Variants in SOCS7 observed in about 807,000 individuals in gnomAD.
SOCS7 encodes NAP-4.
In SOCS7, 18 loss-of-function variants were observed where a neutral mutation model predicts 58.9. The observed-to-expected ratio is 0.31, with a 90% CI of 0.21 to 0.45. SOCS7 has a LOEUF of 0.45. Ranked by LOEUF, SOCS7 falls within the 20% of genes least tolerant of loss-of-function variation. The pLI, the probability that SOCS7 is intolerant of heterozygous loss-of-function variation, is 1.00. For synonymous variants in SOCS7, 388 were observed against 364.3 expected, an observed-to-expected ratio of 1.06 and a Z score of -0.74; for missense variants, 667 against 837.3, an observed-to-expected ratio of 0.80 and a Z score of 2.51.
rs151187052 is a variant in SOCS7, at chr17:38,389,247, A to G, written c.1682-6062A>G. Among the ~76,000 whole-genome samples, 200 of 152,254 alleles carry G rather than the reference A, an allele frequency of 1.3e-3. 1 individual carries two copies. Among genetic ancestry groups the G allele is most frequent in the East Asian group, 0.013 (65 of 5,174 alleles). On this transcript the variant is annotated intron_variant, in intron 7 of 9. Coordinates refer to ENST00000612932, the MANE Select transcript of SOCS7 (RefSeq NM_014598.4). Reference sequence around the variant, plus strand: ...CCTTTGCTCATTTTATAATTGAGCTATTTGTCTTCTTATTGAGTTATGAGT... The same window carrying G: ...CCTTTGCTCATTTTATAATTGAGCTGTTTGTCTTCTTATTGAGTTATGAGT...
Position 38,352,351 on chromosome 17 carries a change from A to G in SOCS7, c.299A>G (p.Asp100Gly), listed in dbSNP as rs1384038778. The G allele has an allele frequency of 1.4e-6, 2 of 1,457,810 alleles. 1 individual carries two copies. The highest frequency in any genetic ancestry group is 2.7e-5 in the South Asian group (2 of 73,270). 90.3% of individuals were successfully genotyped at this position (1,457,810 alleles called of 1,614,324 possible). A position where few individuals can be genotyped will look rare whatever the true frequency, so the allele number is the denominator to read the frequency against. ...TGTCCCCGGCACCGCTGTGCCCTGGACCCCAAGGCCCTGCCGCCGGGCTTG... is the reference window on the plus strand; with the variant it reads ...TGTCCCCGGCACCGCTGTGCCCTGGGCCCCAAGGCCCTGCCGCCGGGCTTG... ...LLCPRHRCAL[D>G]PKALPPGLAL... The change falls in exon 1 of 10, where the codon GAC becomes GGC. Residue 100 changes from aspartate (D) to glycine (G), a missense_variant. Physicochemically the swap from Asp to Gly is moderately conservative, Grantham distance 94. This residue lies in a region of SOCS7 where 154 missense variants were observed against 156.3 expected (regional missense o/e 0.98). Transcript: ENST00000612932. This position sits in a 1 kb window ranked among gnomAD's most constrained non-coding sequence, Gnocchi z 5.5.
At chr17:38,380,425 G>GT (rs1424401040) in intron 7 of SOCS7, among the ~76,000 whole-genome samples, 1 of 152,088 alleles carries the variant, frequency 6.6e-6, no homozygotes, top group Non-Finnish European at 1.5e-5. Flanking sequence ...GAGGTCAGGA[G>GT]TTTGAGACCA....
chr17:38,388,050 G>T, intron 7 of SOCS7, among the ~76,000 whole-genome samples: 1 of 151,830 alleles, frequency 6.6e-6, no homozygotes, highest in East Asian at 1.9e-4. Context: ...AGGATTATAG[G>T]CATAGGTGTG....
intron 7 of SOCS7, among the ~76,000 whole-genome samples, chr17:38,381,520 A>G (rs1200773443): frequency 1.3e-5 from 2 of 152,118 alleles, no homozygotes; most frequent in African/African-American, 4.8e-5. Flanking sequence ...ACCAAGTGTT[A>G]CCCTTTGAGG....
Position 38,403,655 on chromosome 17 carries a change from A to T in SOCS7, c.*4173A>T, listed in dbSNP as rs562101800. On this transcript the variant is annotated 3_prime_UTR_variant, in exon 10 of 10. Transcript: ENST00000612932. ...CCTCATTTGCAGAAGTCTTGCTACC[A>T]GTTAGGGTGTTAAGAGCATCTCCAC... The T allele has an allele frequency of 6.6e-6, 1 of 152,266 alleles. No individual in the cohort carries two copies. Among genetic ancestry groups the T allele is most frequent in the East Asian group, 1.9e-4 (1 of 5,174 alleles). The allele number at this position is 152,266 out of a possible 1,614,324, so 9.4% of individuals were successfully genotyped here. A position where few individuals can be genotyped will look rare whatever the true frequency, so the allele number is the denominator to read the frequency against.
chr17:38,370,380 C>G (rs1358937643), intron 6 of SOCS7, among the ~76,000 whole-genome samples: 1 of 152,080 alleles, frequency 6.6e-6, no homozygotes, highest in East Asian at 1.9e-4. Context: ...CACCCTGCTG[C>G]CCAGGTTGGA....
At chr17:38,376,637 C>T (rs969954408) in intron 6 of SOCS7, among the ~76,000 whole-genome samples, 5 of 151,604 alleles carry the variant, frequency 3.3e-5, no homozygotes, top group South Asian at 2.1e-4. Context: ...GAGTCTGAGG[C>T]GGGAGAATCA....
chr17:38,389,900 C>CATATATACGT (rs1263290062), intron 7 of SOCS7, among the ~76,000 whole-genome samples: 1 of 20,184 alleles, frequency 5.0e-5, no homozygotes, highest in African/African-American at 1.6e-4. Context: ...TATATATATA[C>CATATATACGT]ACATATAGAG....
rs2038321672 is a variant in SOCS7 at position 38,401,739 on chromosome 17, C to G, written c.*2257C>G. 6.6e-6 allele frequency: 1 copy of G among 152,400 alleles called. No homozygotes were observed. Among genetic ancestry groups the G allele is most frequent in the African/African-American group, 2.4e-5 (1 of 41,438 alleles). The allele number at this position is 152,400 out of a possible 1,614,324, so 9.4% of individuals were successfully genotyped here. A position where few individuals can be genotyped will look rare whatever the true frequency, so the allele number is the denominator to read the frequency against. On this transcript the variant is annotated 3_prime_UTR_variant, in exon 10 of 10. Transcript: ENST00000612932. Reference sequence around the variant, plus strand: ...GCAGGACAGACAGTGAGATGAAAAACACATGAGCAAAAGCAAGGAAGCAGA... The same window carrying G: ...GCAGGACAGACAGTGAGATGAAAAAGACATGAGCAAAAGCAAGGAAGCAGA...
Position 38,366,270 on chromosome 17 carries a change from A to G in SOCS7, c.1253-17A>G, listed in dbSNP as rs2144335496. 6.2e-7 allele frequency: 1 copy of G among 1,612,848 alleles called. No individual in the cohort carries two copies. Among genetic ancestry groups the G allele is most frequent in the Non-Finnish European group, 8.5e-7 (1 of 1,179,388 alleles). ...CAGTGAGGGTAAACAAGTGACCACC[A>G]CTGTCTTGCCCTGCAGATGCATTTC... On this transcript the variant is annotated splice_polypyrimidine_tract_variant and intron_variant, in intron 4 of 9. Transcript: ENST00000612932.
chr17:38,402,300 G>C lies in SOCS7; in HGVS notation c.*2818G>C, dbSNP rs1006753305. 6.6e-6 allele frequency: 1 copy of C among 152,524 alleles called. No homozygotes were observed. Among genetic ancestry groups the C allele is most frequent in the African/African-American group, 2.4e-5 (1 of 41,444 alleles). 9.4% of individuals were successfully genotyped at this position (152,524 alleles called of 1,614,324 possible). A position where few individuals can be genotyped will look rare whatever the true frequency, so the allele number is the denominator to read the frequency against. ...TAGGGGAAGATGAGGGGGAGGCATGGGGCTGGGCCAGCTCTCTGGGATACA... is the reference window on the plus strand; with the variant it reads ...TAGGGGAAGATGAGGGGGAGGCATGCGGCTGGGCCAGCTCTCTGGGATACA... On this transcript the variant is annotated 3_prime_UTR_variant, in exon 10 of 10. Transcript: ENST00000612932.
At chr17:38,392,190 AC>A (rs2038180793) in intron 7 of SOCS7, among the ~76,000 whole-genome samples, 1 of 152,250 alleles carries the variant, frequency 6.6e-6, no homozygotes, top group African/African-American at 2.4e-5. Context: ...TCAGATTAAT[AC>A]CAGGGAATAT....
intron 6 of SOCS7, among the ~76,000 whole-genome samples, chr17:38,372,074 C>G (rs2037875782): frequency 6.6e-6 from 1 of 151,988 alleles, no homozygotes; most frequent in Non-Finnish European, 1.5e-5. Context: ...CTTGAACAAC[C>G]TGGGTTTGAA....
intron 7 of SOCS7, among the ~76,000 whole-genome samples, chr17:38,382,154 C>G (rs999420800): frequency 1.3e-5 from 2 of 151,668 alleles, no homozygotes; most frequent in South Asian, 4.2e-4. Context: ...TTTGATCAGG[C>G]TTGGTGGCTC....
At chr17:38,387,133 G>GTATGTATA (rs1555570701) in intron 7 of SOCS7, among the ~76,000 whole-genome samples, 2 of 73,494 alleles carry the variant, frequency 2.7e-5, no homozygotes, top group African/African-American at 1.4e-4. Context: ...ATATATGTAT[G>GTATGTATA]TATATATATA....
At chr17:38,357,071 G>T (rs1388172218) in intron 1 of SOCS7, among the ~76,000 whole-genome samples, 1 of 152,204 alleles carries the variant, frequency 6.6e-6, no homozygotes, top group Non-Finnish European at 1.5e-5. Context: ...GGACGGTTCT[G>T]TAGTGGTTTC....
chr17:38,373,441 A>G (rs182929963), intron 6 of SOCS7, among the ~76,000 whole-genome samples: 518 of 152,330 alleles, frequency 3.4e-3, no homozygotes, highest in Non-Finnish European at 5.8e-3. Context: ...GCCACAAAGG[A>G]TATTTATTAG....
rs781341947 is a variant in SOCS7, at chr17:38,361,766, C to T, written c.1036C>T (p.Leu346=). 1 of 1,611,780 alleles carries T rather than the reference C, an allele frequency of 6.2e-7. No individual in the cohort carries two copies. Among genetic ancestry groups the T allele is most frequent in the South Asian group, 1.1e-5 (1 of 90,832 alleles). ...SAFSPVSFSP[L]FTGETVSLVD... ...CTTTTCTCCGGTCTCCTTCAGCCCC[C>T]TGTTCACAGGTAAGGGTAATATCTT... Residue 346 remains leucine (L), a synonymous_variant, in exon 2 of 10, where the codon CTG becomes TTG. Coordinates refer to ENST00000612932, the MANE Select transcript of SOCS7 (RefSeq NM_014598.4).
chr17:38,375,163 C>G (rs2037915010), intron 6 of SOCS7, among the ~76,000 whole-genome samples: 1 of 152,148 alleles, frequency 6.6e-6, no homozygotes, highest in Non-Finnish European at 1.5e-5. Flanking sequence ...CCACTGCACT[C>G]TAGCCTGGGT....
Sources: gnomAD v4.1 joint callset for allele counts (sites outside exome capture counted in the v4.1 genomes callset) on GRCh38, gnomAD v4.1.1 for gene constraint, gnomAD v4.1.1 regional missense constraint, Gnocchi (gnomAD v3.1) non-coding constraint, MANE v1.5 for transcripts, NCBI Gene and HGNC (gene_info 2026-07-23, HGNC 2026-07-21) for gene names.